Variants in BNIP3 observed in about 807,000 individuals in gnomAD.
BNIP3 encodes the protein BCL2/adenovirus E1B 19 kDa protein-interacting protein 3.
In BNIP3, 16 loss-of-function variants were observed where a neutral mutation model predicts 23.9. The ratio of observed to expected loss-of-function variants is 0.67; its 90% CI spans 0.45 to 1.01. The LOEUF (loss-of-function observed/expected upper bound fraction) is 1.01. BNIP3 is among the 50% of genes least tolerant of loss of function. The probability of loss-of-function intolerance (pLI) is 0.00; values close to 1 mark genes in which losing one functional copy is unlikely to be tolerated. For synonymous variants in BNIP3, 81 were observed against 89.3 expected (o/e 0.91, Z 0.53); for missense variants, 198 against 248.7 (o/e 0.80, Z 1.37).
chr10:131,973,236 G>C, intron 2 of BNIP3, 118 bp from the exon 3 acceptor site: 1 of 1,012,828 alleles, frequency 9.9e-7, no homozygotes. Context: ...GCCAGTCAGC[G>C]TACGCGTCTT....
Position 131,973,961 on chromosome 10 carries a change from A to G in BNIP3, c.47-18T>C. The stretch of plus-strand genomic sequence containing the variant: ...CCAGGAGCCTGATGGGGACAAAAAA[A>G]GGGGCGCAGATGGAATTCTCTACCC... On this transcript the variant is annotated intron_variant, in intron 1 of 5. Transcript: ENST00000368636. The G allele has an allele frequency of 6.2e-7, 1 of 1,613,254 alleles. No individual in the cohort carries two copies. The highest frequency in any genetic ancestry group is 1.1e-5 in the South Asian group (1 of 91,074).
intron 5 of BNIP3, 142 bp from the exon 6 acceptor site, chr10:131,968,711 G>C (rs2036993338): frequency 1.6e-6 from 1 of 614,832 alleles, no homozygotes; most frequent in African/African-American, 1.8e-5. Flanking sequence ...ATTTTGTAAT[G>C]AATCTATCTG....
At chr10:131,978,317 C>G (rs2037095050) in intron 1 of BNIP3, among the ~76,000 whole-genome samples, 1 of 151,628 alleles carries the variant, frequency 6.6e-6, no homozygotes, top group Admixed American at 6.6e-5. Context: ...ACTGATAGGT[C>G]TGCCTCAGAG....
rs1330849234 is a variant in BNIP3, at chr10:131,970,607, A to C, written c.539+31T>G. 1 of 1,609,136 alleles carries C rather than the reference A, an allele frequency of 6.2e-7. No homozygotes were observed. Among genetic ancestry groups the C allele is most frequent in the South Asian group, 1.1e-5 (1 of 90,546 alleles). On this transcript the variant is annotated intron_variant, in intron 5 of 5. Transcript: ENST00000368636. The surrounding 1 kb of genome is among the most constrained non-coding windows in gnomAD (Gnocchi z 4.1). ...ACCCAGAATCGCCCCACGACATGCC[A>C]TGACAGGAGTCACACAGTCACATCA...
chr10:131,981,683 C>T (rs2037119791), intron 1 of BNIP3, 78 bp downstream of exon 1: 2 of 1,421,158 alleles, frequency 1.4e-6, no homozygotes, highest in Non-Finnish European at 1.8e-6. Flanking sequence ...CCGGCAACCT[C>T]CCCTTGGCGC....
rs1230524818 is a variant in BNIP3 at position 131,968,237 on chromosome 10, TTATTTATATTCAGA to T, written c.*273_*286del. On this transcript the variant is annotated 3_prime_UTR_variant, in exon 6 of 6. Transcript: ENST00000368636. ...ACACATCATGACTAGTATATTAAAA[TTATTTATATTCAGA>T]TATTTATATCTAATATCAAATGAAA... The T allele has an allele frequency of 1.3e-5, 3 of 233,348 alleles. No individual in the cohort carries two copies. Among genetic ancestry groups the T allele is most frequent in the African/African-American group, 2.2e-5 (1 of 44,780 alleles). 14.5% of individuals were successfully genotyped at this position (233,348 alleles called of 1,614,324 possible).
rs373166452 is a variant in BNIP3, at chr10:131,970,734, G to A, written c.443C>T (p.Thr148Met). The A allele has an allele frequency of 2.4e-5, 39 of 1,614,190 alleles. No homozygotes were observed. Among genetic ancestry groups the A allele is most frequent in the African/African-American group, 1.6e-4 (12 of 75,048 alleles). Residue 148 changes from threonine to methionine, a missense_variant, in exon 5 of 6, where the codon ACG becomes ATG. Physicochemically the swap from Thr to Met is moderately conservative, Grantham distance 81. Transcript: ENST00000368636. This position sits in a 1 kb window ranked among gnomAD's most constrained non-coding sequence, Gnocchi z 4.1. ...KRTATLSMRN[T>M]SVMKKGGIFS... is the part of the protein sequence containing the mutation. ...TATGCCCCCTTTCTTCATGACGCTC[G>A]TGTTCCTCATGCTGAGGGTGGCCGT... is the stretch of plus-strand genomic sequence containing the variant.
chr10:131,971,277 T>C, intron 3 of BNIP3: 1 of 384,602 alleles, frequency 2.6e-6, no homozygotes, highest in South Asian at 2.6e-5. Context: ...GCAAACACTG[T>C]CCTAGGGAAG....
chr10:131,969,283 G>A (rs1256443648), intron 5 of BNIP3: 1 of 152,376 alleles, frequency 6.6e-6, no homozygotes, highest in Non-Finnish European at 1.5e-5. Flanking sequence ...CAGGACGAAG[G>A]ACAGTAGCTG....
At chr10:131,973,279 C>CT in intron 2 of BNIP3, 161 bp from the exon 3 acceptor site, 1 of 670,920 alleles carries the variant, frequency 1.5e-6, no homozygotes, top group Non-Finnish European at 2.5e-6. Flanking sequence ...GAGCCAAACT[C>CT]TTCCTCAGCC....
intron 2 of BNIP3, 38 bp downstream of exon 2, chr10:131,973,755 C>T (rs575826630): frequency 1.2e-6 from 2 of 1,605,772 alleles, no homozygotes; most frequent in Non-Finnish European, 1.7e-6. Context: ...CTGAAGACAT[C>T]GGCACTGTAA....
chr10:131,973,960 AAG>A lies in BNIP3; in HGVS notation c.47-19_47-18del, dbSNP rs765306362. 25 of 1,613,288 alleles carry A rather than the reference AAG, an allele frequency of 1.5e-5. No homozygotes were observed. The highest frequency in any genetic ancestry group is 1.9e-5 in the Non-Finnish European group (22 of 1,179,932). On this transcript the variant is annotated intron_variant, in intron 1 of 5. Transcript: ENST00000368636. Reference sequence around the variant, plus strand: ...CCCAGGAGCCTGATGGGGACAAAAAAAGGGGCGCAGATGGAATTCTCTACCCA... The same window carrying A: ...CCCAGGAGCCTGATGGGGACAAAAAAGGGCGCAGATGGAATTCTCTACCCA...
chr10:131,979,672 TA>T (rs558244046), intron 1 of BNIP3, among the ~76,000 whole-genome samples: 5 of 151,504 alleles, frequency 3.3e-5, no homozygotes, highest in African/African-American at 7.3e-5. Flanking sequence ...ACTGGGCTTG[TA>T]AAAAAAAGGA....
chr10:131,979,385 G>A (rs1310788043), intron 1 of BNIP3, among the ~76,000 whole-genome samples: 3 of 152,242 alleles, frequency 2.0e-5, no homozygotes, highest in African/African-American at 4.8e-5. Flanking sequence ...CCATCTGCCA[G>A]TTGCAGACAC....
rs2133694864 is a variant in BNIP3 at position 131,976,917 on chromosome 10, G to A, written c.47-2974C>T. On this transcript the variant is annotated intron_variant, in intron 1 of 5. Transcript: ENST00000368636. The surrounding 1 kb of genome is among the most constrained non-coding windows in gnomAD (Gnocchi z 4.3). ...TGACTTTATGAATAACGCACACACT[G>A]GTCAGGTTGTTCTGCCTATGGAGTC... Among the ~76,000 whole-genome samples the A allele has an allele frequency of 6.6e-6, 1 of 152,206 alleles. No homozygotes were observed. The highest frequency in any genetic ancestry group is 1.5e-5 in the Non-Finnish European group (1 of 68,012).
At chr10:131,980,879 T>C (rs1186411692) in intron 1 of BNIP3, 1 of 152,218 alleles carries the variant, frequency 6.6e-6, no homozygotes, top group Non-Finnish European at 1.5e-5. Context: ...CTCCGAGGCT[T>C]TGGCCCTAGG....
rs1369044522 is a variant in BNIP3, at chr10:131,970,910, C to CT, written c.342dup (p.Asp115ArgfsTer21). On this transcript the variant is annotated frameshift_variant, in exon 4 of 6. Transcript: ENST00000368636. LOFTEE classifies it high-confidence loss of function. This position sits in a 1 kb window ranked among gnomAD's most constrained non-coding sequence, Gnocchi z 4.1. ...CGACTTGACCAATCCCATATCCAATCTGAGTTTTTCTTCAAGATGCTTTCA... is the reference window on the plus strand; with the variant it reads ...CGACTTGACCAATCCCATATCCAATCTTGAGTTTTTCTTCAAGATGCTTTCA... The CT allele has an allele frequency of 1.9e-6, 3 of 1,614,268 alleles. No homozygotes were observed. Among genetic ancestry groups the CT allele is most frequent in the African/African-American group, 1.3e-5 (1 of 75,076 alleles).
chr10:131,971,023 A>G, intron 3 of BNIP3, 53 bp from the exon 4 acceptor site: 1 of 1,533,192 alleles, frequency 6.5e-7, no homozygotes, highest in Non-Finnish European at 8.9e-7. Context: ...GTGACACGGG[A>G]AAGCACCCAG....
chr10:131,971,137 C>G (rs1254351193), intron 3 of BNIP3, 167 bp from the exon 4 acceptor site: 3 of 646,642 alleles, frequency 4.6e-6, no homozygotes, highest in Non-Finnish European at 8.0e-6. Context: ...TGGGGGCCTT[C>G]CCCGGGCCGC....
Sources: gnomAD v4.1 joint callset for allele counts (sites outside exome capture counted in the v4.1 genomes callset) on GRCh38, gnomAD v4.1.1 for gene constraint, Gnocchi (gnomAD v3.1) non-coding constraint, MANE v1.5 for transcripts, NCBI Gene and HGNC (gene_info 2026-07-23, HGNC 2026-07-21) for gene names.